The following CSMD1 variants were observed in gnomAD, a reference collection of about 807,000 sequenced individuals.
The protein encoded by CSMD1 is CUB and sushi domain-containing protein 1.
CSMD1 carries 213 observed loss-of-function variants against 417.5 expected under a neutral mutation model. The observed-to-expected ratio is 0.51, with a 90% CI of 0.46 to 0.57. CSMD1 has a LOEUF of 0.57. CSMD1 is among the 20% of genes least tolerant of loss of function. The pLI is 0.00. For missense variants in CSMD1, 6,923 were observed against 4,529.7 expected (o/e 1.53, Z -15.17); for synonymous variants, 2,862 against 1,736.8 (o/e 1.65, Z -16.11).
chr8:4,678,368 G>C (rs62484569), intron 1 of CSMD1, among the ~76,000 whole-genome samples: 737 of 152,220 alleles, frequency 4.8e-3, no homozygotes, highest in Non-Finnish European at 7.4e-3. Context: ...CCAAGATCAT[G>C]TGACTGCATT....
intron 3 of CSMD1, among the ~76,000 whole-genome samples, chr8:4,377,012 C>G (rs1015622848): frequency 3.9e-5 from 6 of 152,204 alleles, no homozygotes; most frequent in African/African-American, 1.4e-4. Flanking sequence ...GACACAGGTA[C>G]AGTGGCAAGT....
chr8:3,587,992 G>A (rs767429918), intron 8 of CSMD1, among the ~76,000 whole-genome samples: 1 of 152,042 alleles, frequency 6.6e-6, no homozygotes. Context: ...AGCCATCACA[G>A]TTATTTAAGA....
intron 5 of CSMD1, among the ~76,000 whole-genome samples, chr8:3,917,186 C>T (rs550150019): frequency 1.3e-5 from 2 of 152,092 alleles, no homozygotes; most frequent in African/African-American, 2.4e-5. Context: ...ATTTATGGAG[C>T]GCTTAATCTC....
At chr8:4,548,512 G>T (rs932924956) in intron 2 of CSMD1, among the ~76,000 whole-genome samples, 1 of 151,996 alleles carries the variant, frequency 6.6e-6, no homozygotes, top group African/African-American at 2.4e-5. Flanking sequence ...AAAATGCCAT[G>T]CAAAAATAAA....
At chr8:3,462,442 C>A (rs1390010155) in intron 12 of CSMD1, among the ~76,000 whole-genome samples, 2 of 152,154 alleles carry the variant, frequency 1.3e-5, no homozygotes, top group African/African-American at 4.8e-5. Context: ...TGCCTCCCAG[C>A]AGATCAGCAG....
At chr8:3,946,329 C>G (rs2912290) in intron 5 of CSMD1, among the ~76,000 whole-genome samples, 60,828 of 151,910 alleles carry the variant, frequency 0.4, 12,396 homozygotes, top group South Asian at 0.48. Flanking sequence ...GGAATTACCT[C>G]ACATTTTCGT....
intron 1 of CSMD1, among the ~76,000 whole-genome samples, chr8:4,689,836 C>T (rs1290320761): frequency 6.6e-6 from 1 of 152,048 alleles, no homozygotes; most frequent in African/African-American, 2.4e-5. Context: ...TTTCTGGTGC[C>T]TTTAATACTA....
intron 40 of CSMD1, among the ~76,000 whole-genome samples, chr8:3,142,940 G>C (rs12545633): frequency 9.2e-5 from 14 of 151,830 alleles, no homozygotes; most frequent in African/African-American, 3.4e-4. Context: ...TACCAGCACC[G>C]TACCACAGAG....
At chr8:3,499,895 C>A (rs1048632554) in intron 10 of CSMD1, among the ~76,000 whole-genome samples, 2 of 151,986 alleles carry the variant, frequency 1.3e-5, no homozygotes, top group African/African-American at 4.8e-5. Flanking sequence ...AGCCTGAGGC[C>A]CAGAGAACAA....
rs182607824 is a variant in CSMD1, at chr8:4,410,125, A to G, written c.415+9828T>C. 1.4e-3 allele frequency among the ~76,000 whole-genome samples: 206 copies of G among 152,248 alleles called. 1 individual carries two copies. The highest frequency in any genetic ancestry group is 4.8e-3 in the African/African-American group (199 of 41,542). ...CACCGTACCCGGTCCCATACTTTAT[A>G]ATCTTTGAAGCCATCTTCTAGGCTA... is the stretch of plus-strand genomic sequence containing the variant. On this transcript the variant is annotated intron_variant, in intron 3 of 69. Transcript: ENST00000635120.
chr8:4,546,215 C>T (rs943281640), intron 2 of CSMD1, among the ~76,000 whole-genome samples: 8 of 152,236 alleles, frequency 5.3e-5, no homozygotes, highest in Non-Finnish European at 1.2e-4. Flanking sequence ...CCTGGTCGCA[C>T]AAGACCACAA....
chr8:3,978,217 G>A (rs535940253), intron 5 of CSMD1, among the ~76,000 whole-genome samples: 1 of 152,158 alleles, frequency 6.6e-6, no homozygotes, highest in South Asian at 2.1e-4. Flanking sequence ...ACTGCTGTGT[G>A]CTAGGATTCC....
At chr8:4,545,535 A>G (rs1014897289) in intron 2 of CSMD1, among the ~76,000 whole-genome samples, 10 of 151,590 alleles carry the variant, frequency 6.6e-5, no homozygotes, top group Non-Finnish European at 1.5e-4. Context: ...AAGAATCTAC[A>G]TATATAAAAA....
intron 41 of CSMD1, among the ~76,000 whole-genome samples, chr8:3,139,391 G>T (rs537178742): frequency 9.8e-5 from 15 of 152,288 alleles, no homozygotes; most frequent in African/African-American, 3.6e-4. Flanking sequence ...ATAACCCAGA[G>T]ATTTTCTGGC....
At chr8:3,645,073 T>C (rs1332194702) in intron 7 of CSMD1, among the ~76,000 whole-genome samples, 1 of 151,794 alleles carries the variant, frequency 6.6e-6, no homozygotes, top group Non-Finnish European at 1.5e-5. Context: ...GCAGCCTTCT[T>C]ACCATCTTGA....
At chr8:4,104,194 G>T (rs1309580536) in intron 3 of CSMD1, among the ~76,000 whole-genome samples, 3 of 152,188 alleles carry the variant, frequency 2.0e-5, no homozygotes, top group Non-Finnish European at 4.4e-5. Flanking sequence ...CATTCTCTAG[G>T]GTCATAGTGT....
At chr8:3,736,447 G>C (rs892740913) in intron 6 of CSMD1, among the ~76,000 whole-genome samples, 4 of 152,044 alleles carry the variant, frequency 2.6e-5, no homozygotes, top group Admixed American at 6.6e-5. Flanking sequence ...GTCTCACTAC[G>C]TGGTCCAGGC....
intron 1 of CSMD1, among the ~76,000 whole-genome samples, chr8:4,739,631 G>C (rs1021839802): frequency 6.6e-6 from 1 of 152,104 alleles, no homozygotes; most frequent in African/African-American, 2.4e-5. Flanking sequence ...GGTTATCATG[G>C]CATTAACACA....
chr8:4,205,923 C>T (rs183468010), intron 3 of CSMD1, among the ~76,000 whole-genome samples: 14 of 152,268 alleles, frequency 9.2e-5, no homozygotes, highest in Admixed American at 2.6e-4. Flanking sequence ...CCTGCAGCCA[C>T]GTTTTTCTGA....
Sources: gnomAD v4.1 joint callset for allele counts (sites outside exome capture counted in the v4.1 genomes callset) on GRCh38, gnomAD v4.1.1 for gene constraint, MANE v1.5 for transcripts, NCBI Gene and HGNC (gene_info 2026-07-23, HGNC 2026-07-21) for gene names.